CATSPER1: variants seen among roughly 807,000 people sequenced by gnomAD.
CATSPER1 encodes the protein cation channel sperm associated 1.
CATSPER1 carries 57 observed loss-of-function variants against 72.7 expected under a neutral mutation model. The ratio of observed to expected loss-of-function variants is 0.78; its 90% confidence interval spans 0.63 to 0.98. CATSPER1 has a LOEUF of 0.98. Among genes scored for constraint, CATSPER1 ranks in the 50% least tolerant of loss-of-function variants. CATSPER1 has a pLI of 0.00. For synonymous variants in CATSPER1, 363 were observed against 403.0 expected (o/e 0.90, Z 1.19); for missense variants, 910 against 1,033.9 (o/e 0.88, Z 1.64).
At position 66,020,886 on chromosome 11, in the gene CATSPER1, T is replaced by C. The variant is rs1215199264; in HGVS notation, c.1852A>G (p.Thr618Ala). 1.9e-6 allele frequency: 3 copies of C among 1,613,872 alleles called. No homozygotes were observed. The highest frequency in any genetic ancestry group is 2.5e-6 in the Non-Finnish European group (3 of 1,180,004). Residue 618 changes from threonine (T) to alanine (A), a missense_variant, in exon 6 of 12, where the codon ACC (threonine) becomes GCC (alanine). Coordinates refer to ENST00000312106, the MANE Select transcript of CATSPER1 (RefSeq NM_053054.4). The surrounding 1 kb of genome is among the most constrained non-coding windows in gnomAD (Gnocchi z 4.5). ...AAGGTGAAGAGGGTGAAGATGGTGG[T>C]GAAGATGTTCTGGAAGCGCTTGGGG... ...SDPKRFQNIF[T>A]TIFTLFTLLT... is the part of the protein sequence containing the mutation.
At chr11:66,022,132 G>A (rs1053958228) in intron 2 of CATSPER1, among the ~76,000 whole-genome samples, 2 of 152,166 alleles carry the variant, frequency 1.3e-5, no homozygotes, top group Admixed American at 1.3e-4. Flanking sequence ...TGGAGGTCAG[G>A]AGTTCGAGAC....
intron 9 of CATSPER1, among the ~76,000 whole-genome samples, chr11:66,019,166 C>T (rs1469051941): frequency 2.6e-5 from 4 of 152,172 alleles, no homozygotes; most frequent in Non-Finnish European, 5.9e-5. Context: ...TGAGGTTAGC[C>T]CCACCTCCAG....
At position 66,022,909 on chromosome 11, in the gene CATSPER1, C is replaced by A. The variant is rs1458412608; in HGVS notation, c.1369G>T (p.Val457Phe). 5.6e-6 allele frequency: 9 copies of A among 1,614,234 alleles called. No homozygotes were observed. The highest frequency in any genetic ancestry group is 1.3e-5 in the African/African-American group (1 of 75,062). ...ACCAGCATGACGGTGTTGAGGCAGA[C>A]AACGAAGAAGATGAAAGTTTCAAAG... ...LAFETFIFFV[V>F]CLNTVMLVAQ... Residue 457 changes from valine (V) to phenylalanine (F), a missense_variant, in exon 2 of 12, where the codon GTC becomes TTC. Transcript: ENST00000312106.
Position 66,020,583 on chromosome 11 carries a change from G to A in CATSPER1, c.1972C>T (p.Gln658Ter). Reference protein sequence around the residue: ...IPILVIYIIIQYFIFLNLVIT... With the variant: ...IPILVIYIII ...CCTCACTTGAGGAAGATGAAGTACT[G>A]GATGATGATGTAAATTACGAGGATG... Residue 658 changes from glutamine (Q) to a stop codon, truncating the protein, a stop_gained, in exon 7 of 12, where the codon CAG becomes TAG. Transcript: ENST00000312106. LOFTEE classifies it high-confidence loss of function. The surrounding 1 kb of genome is among the most constrained non-coding windows in gnomAD (Gnocchi z 4.5). 6.2e-7 allele frequency: 1 copy of A among 1,612,226 alleles called. No homozygotes were observed. The highest frequency in any genetic ancestry group is 8.5e-7 in the Non-Finnish European group (1 of 1,179,258).
chr11:66,020,157 G>A lies in CATSPER1; in HGVS notation c.2108C>T (p.Thr703Met), dbSNP rs373771804. Residue 703 changes from threonine (T) to methionine (M), a missense_variant, in exon 9 of 12, where the codon ACG (threonine) becomes ATG (methionine). Thr to Met is a moderately conservative substitution (Grantham distance 81). Transcript: ENST00000312106. The surrounding 1 kb of genome is among the most constrained non-coding windows in gnomAD (Gnocchi z 4.5). ...GCCCATACCTGCAGCTCTGAGCTCC[G>A]TCAGTGAGTCTTCCAGCAGCTTCTC... ...IQEKLLEDSL[T>M]ELRAAEPKEV... is the part of the protein sequence containing the mutation. 34 of 1,613,176 alleles carry A rather than the reference G, an allele frequency of 2.1e-5. No individual in the cohort carries two copies. The highest frequency in any genetic ancestry group is 1.1e-4 in the East Asian group (5 of 44,870).
intron 10 of CATSPER1, 61 bp from the exon 11 acceptor site, chr11:66,017,235 C>T: frequency 7.6e-7 from 1 of 1,316,782 alleles, no homozygotes; most frequent in Non-Finnish European, 1.1e-6. Flanking sequence ...GCTGGGCCTA[C>T]TGCACCCCAG....
intron 1 of CATSPER1, among the ~76,000 whole-genome samples, chr11:66,024,841 G>A (rs908273516): frequency 1.3e-5 from 2 of 152,140 alleles, no homozygotes; most frequent in African/African-American, 4.8e-5. Flanking sequence ...CGAGGGCAGC[G>A]ACTGTGTTGA....
Position 66,022,937 on chromosome 11 carries a change from CA to C in CATSPER1, c.1340del (p.Leu447TrpfsTer82), listed in dbSNP as rs1856407640. 6.2e-7 allele frequency: 1 copy of C among 1,614,226 alleles called. No homozygotes were observed. The highest frequency in any genetic ancestry group is 8.5e-7 in the Non-Finnish European group (1 of 1,180,048). On this transcript the variant is annotated frameshift_variant, in exon 2 of 12. Coordinates refer to ENST00000312106, the MANE Select transcript of CATSPER1 (RefSeq NM_053054.4). LOFTEE classifies it high-confidence loss of function. ...REMIRNLTQS[L>X]AFETFIFFVV... ...CGAAGAAGATGAAAGTTTCAAAGGCCAAGGATTGGGTCAGGTTCCGGATCAT... is the reference window on the plus strand; with the variant it reads ...CGAAGAAGATGAAAGTTTCAAAGGCCAGGATTGGGTCAGGTTCCGGATCAT...
At position 66,020,203 on chromosome 11, in the gene CATSPER1, G is replaced by A; in HGVS notation, c.2065-3C>T. ...TTCTCTTGGATCCGGGCGGCCCTCT[G>A]GGAAGAAGAGGCCTCAGATCTGCCA... is the stretch of plus-strand genomic sequence containing the variant. On this transcript the variant is annotated splice_polypyrimidine_tract_variant and splice_region_variant and intron_variant, in intron 8 of 11. Transcript: ENST00000312106. This position sits in a 1 kb window ranked among gnomAD's most constrained non-coding sequence, Gnocchi z 4.5. 1 of 1,613,962 alleles carries A rather than the reference G, an allele frequency of 6.2e-7. No homozygotes were observed. Among genetic ancestry groups the A allele is most frequent in the Non-Finnish European group, 8.5e-7 (1 of 1,180,018 alleles).
Position 66,021,746 on chromosome 11 carries a change from C to G in CATSPER1, c.1543+20G>C. 1 of 1,613,504 alleles carries G rather than the reference C, an allele frequency of 6.2e-7. No homozygotes were observed. The highest frequency in any genetic ancestry group is 8.5e-7 in the Non-Finnish European group (1 of 1,179,406). ...CTCCCCCAGACTAAACACACGCAGC[C>G]TGGCCCCGGCCGCACCCACCCAAAT... On this transcript the variant is annotated intron_variant, in intron 3 of 11. Coordinates refer to ENST00000312106, the MANE Select transcript of CATSPER1 (RefSeq NM_053054.4).
chr11:66,017,194 T>TGGGGGGGGGGGGGGGGGGGGGGGGGGCC lies in CATSPER1; in HGVS notation c.2202-21_2202-20insGGCCCCCCCCCCCCCCCCCCCCCCCCCC. ...TGCTGCCTGCGGGTGGGCGGGGGGG[T>TGGGGGGGGGGGGGGGGGGGGGGGGGGCC]CGCAGAGACAGGGGCTGGGCTGACC... is the stretch of plus-strand genomic sequence containing the variant. On this transcript the variant is annotated intron_variant, in intron 10 of 11. Transcript: ENST00000312106. The TGGGGGGGGGGGGGGGGGGGGGGGGGGCC allele has an allele frequency of 9.1e-6, 5 of 550,264 alleles. No homozygotes were observed. Among genetic ancestry groups the TGGGGGGGGGGGGGGGGGGGGGGGGGGCC allele is most frequent in the East Asian group, 5.3e-5 (1 of 18,948 alleles). 34.1% of individuals were successfully genotyped at this position (550,264 alleles called of 1,614,324 possible). A position where few individuals can be genotyped will look rare whatever the true frequency, so the allele number is the denominator to read the frequency against.
Position 66,022,872 on chromosome 11 carries a change from A to G in CATSPER1, c.1406T>C (p.Phe469Ser). 1.2e-6 allele frequency: 2 copies of G among 1,614,216 alleles called. No homozygotes were observed. Among genetic ancestry groups the G allele is most frequent in the Non-Finnish European group, 1.7e-6 (2 of 1,180,034 alleles). ...LNTVMLVAQTFAEVEIRGEWY... is the reference protein window; with the variant it reads ...LNTVMLVAQTSAEVEIRGEWY... The stretch of plus-strand genomic sequence containing the variant: ...ACCGCCCCGGATCTCGACTTCAGCG[A>G]AGGTCTGGGCCACCAGCATGACGGT... The change falls in exon 2 of 12, where the codon TTC becomes TCC. Residue 469 changes from phenylalanine to serine, a missense_variant. Physicochemically the swap from Phe to Ser is radical, Grantham distance 155. Transcript: ENST00000312106.
intron 9 of CATSPER1, among the ~76,000 whole-genome samples, chr11:66,019,369 C>T (rs1204934128): frequency 2.6e-5 from 4 of 151,938 alleles, no homozygotes; most frequent in East Asian, 1.9e-4. Context: ...CTCTGCCTCC[C>T]GGGTTCAAGT....
rs576598349 is a variant in CATSPER1, at chr11:66,026,217, C to T, written c.163G>A (p.Gly55Ser). 1.6e-5 allele frequency: 26 copies of T among 1,610,850 alleles called. No individual in the cohort carries two copies. In the South Asian group the frequency reaches 2.7e-4, roughly 17 times the overall value. Residue 55 changes from glycine (G) to serine (S), a missense_variant, in exon 1 of 12, where the codon GGT becomes AGT. Coordinates refer to ENST00000312106, the MANE Select transcript of CATSPER1 (RefSeq NM_053054.4). ...AACTCCGGAGGGTGGTGAGATTCACCACGTTGGTGGGGCACGCCGTGATGG... is the reference window on the plus strand; with the variant it reads ...AACTCCGGAGGGTGGTGAGATTCACTACGTTGGTGGGGCACGCCGTGATGG... ...LHHHGVPHQR[G>S]ESHHPPEFQD...
In CATSPER1 at chr11:66,025,696, C is replaced by A; in HGVS notation, c.684G>T (p.Arg228Ser). Residue 228 changes from arginine (R) to serine (S), a missense_variant, in exon 1 of 12, where the codon AGG becomes AGT. Arg to Ser is a moderately radical substitution (Grantham distance 110). Transcript: ENST00000312106. ...PHHHQVHHHG[R>S]SRHHEAHQHG... ...GCTGGTGGGCTTCATGATGACGGGACCTGCCATGGTGGTGGACTTGGTGAT... is the reference window on the plus strand; with the variant it reads ...GCTGGTGGGCTTCATGATGACGGGAACTGCCATGGTGGTGGACTTGGTGAT... 1 of 1,613,752 alleles carries A rather than the reference C, an allele frequency of 6.2e-7. No individual in the cohort carries two copies. The highest frequency in any genetic ancestry group is 1.3e-5 in the African/African-American group (1 of 74,894).
chr11:66,019,401 C>T (rs1434598311), intron 9 of CATSPER1, among the ~76,000 whole-genome samples: 2 of 152,024 alleles, frequency 1.3e-5, no homozygotes, highest in Admixed American at 6.5e-5. Flanking sequence ...CTCAACCTCC[C>T]GAGTAGCTGT....
At chr11:66,024,486 G>A (rs868192264) in intron 1 of CATSPER1, among the ~76,000 whole-genome samples, 1 of 151,964 alleles carries the variant, frequency 6.6e-6, no homozygotes, top group Non-Finnish European at 1.5e-5. Context: ...CGCCATGTTG[G>A]CCAGGCTGGT....
At position 66,017,084 on chromosome 11, in the gene CATSPER1, A is replaced by G. The variant is rs1326397498; in HGVS notation, c.2292T>C (p.Asp764=). Residue 764 remains aspartate, a synonymous_variant, in exon 11 of 12, where the codon GAT becomes GAC. Transcript: ENST00000312106. The part of the protein sequence containing the change: ...QKFRSQAAVI[D]EIVDTTFEAG... ...CCTCAAATGTGGTGTCCACAATCTC[A>G]TCGATGACGGCTGCCTGGGAGCGGA... 1 of 1,608,670 alleles carries G rather than the reference A, an allele frequency of 6.2e-7. No individual in the cohort carries two copies.
chr11:66,023,154 C>T, intron 1 of CATSPER1, 93 bp from the exon 2 acceptor site: 1 of 1,212,580 alleles, frequency 8.2e-7, no homozygotes. Context: ...CATGGTCACT[C>T]CTGCCTGCTT....
Sources: gnomAD v4.1 joint callset for allele counts (sites outside exome capture counted in the v4.1 genomes callset) on GRCh38, gnomAD v4.1.1 for gene constraint, Gnocchi (gnomAD v3.1) non-coding constraint, MANE v1.5 for transcripts, NCBI Gene and HGNC (gene_info 2026-07-23, HGNC 2026-07-21) for gene names.